The following PAPSS2 variants were observed in gnomAD, a reference collection of about 807,000 sequenced individuals.
PAPSS2 encodes 3'-phosphoadenosine 5'-phosphosulfate synthase 2.
Under a neutral mutation model 66.5 loss-of-function variants are expected in PAPSS2, and 61 were observed. The observed-to-expected ratio is 0.92, with a 90% CI of 0.75 to 1.14. PAPSS2 has a LOEUF of 1.14. Ranked by LOEUF, PAPSS2 falls within the 50% of genes most tolerant of loss-of-function variation. The pLI is 0.00. For synonymous variants in PAPSS2, 289 were observed against 287.5 expected, an observed-to-expected ratio of 1.01 and a Z score of -0.05; for missense variants, 708 against 789.6, an observed-to-expected ratio of 0.90 and a Z score of 1.24.
intron 2 of PAPSS2, among the ~76,000 whole-genome samples, chr10:87,710,439 C>T (rs535854758): frequency 1.3e-5 from 2 of 152,166 alleles, no homozygotes; most frequent in East Asian, 1.9e-4. Context: ...TCAACTCCCC[C>T]CAAGAGACGT....
intron 1 of PAPSS2, among the ~76,000 whole-genome samples, chr10:87,668,947 C>A (rs1411598006): frequency 1.3e-5 from 2 of 152,138 alleles, no homozygotes; most frequent in African/African-American, 4.8e-5. Flanking sequence ...CTCTTTCATT[C>A]AACAAGAAAT....
intron 1 of PAPSS2, among the ~76,000 whole-genome samples, chr10:87,706,108 A>ATATATATATATATGTGTGTGTG: frequency 3.3e-4 from 17 of 52,008 alleles, no homozygotes; most frequent in African/African-American, 1.5e-3. Flanking sequence ...ATATATATAT[A>ATATATATATATATGTGTGTGTG]TGTGTGTGTG....
chr10:87,694,798 G>A (rs979944505), intron 1 of PAPSS2, among the ~76,000 whole-genome samples: 2 of 152,186 alleles, frequency 1.3e-5, no homozygotes, highest in South Asian at 4.1e-4. Context: ...ATTGTCAACT[G>A]GAAAAAGAGG....
At chr10:87,678,744 C>T (rs1852980822) in intron 1 of PAPSS2, among the ~76,000 whole-genome samples, 1 of 151,960 alleles carries the variant, frequency 6.6e-6, no homozygotes, top group Admixed American at 6.6e-5. Flanking sequence ...TACCTCACCT[C>T]ATGTAGAAGG....
chr10:87,692,920 C>T (rs140668134), intron 1 of PAPSS2, among the ~76,000 whole-genome samples: 1 of 152,146 alleles, frequency 6.6e-6, no homozygotes, highest in African/African-American at 2.4e-5. Flanking sequence ...CATAACAACC[C>T]CCAATGTTGA....
chr10:87,666,170 G>A (rs1852814639), intron 1 of PAPSS2, among the ~76,000 whole-genome samples: 1 of 151,968 alleles, frequency 6.6e-6, no homozygotes, highest in African/African-American at 2.4e-5. Flanking sequence ...CACCATGTTG[G>A]CCAGACTGGT....
At chr10:87,665,334 C>A (rs1367112653) in intron 1 of PAPSS2, among the ~76,000 whole-genome samples, 1 of 152,102 alleles carries the variant, frequency 6.6e-6, no homozygotes, top group Non-Finnish European at 1.5e-5. Context: ...GCCTCAGCCT[C>A]CCGAGTAGCT....
In PAPSS2 at chr10:87,745,921, A is replaced by G. The variant is rs1853932648; in HGVS notation, c.1811A>G (p.Lys604Arg). Residue 604 changes from lysine (K) to arginine (R), a missense_variant, in exon 13 of 13, where the codon AAA becomes AGA. Transcript: ENST00000456849. The part of the protein sequence containing the change: ...ENPPDGFMAP[K>R]AWKVLTDYYR... ...CCCCCAGATGGCTTCATGGCCCCCA[A>G]AGCATGGAAGGTCCTGACAGATTAT... The G allele has an allele frequency of 6.2e-6, 10 of 1,613,982 alleles. No individual in the cohort carries two copies. Among genetic ancestry groups the G allele is most frequent in the Non-Finnish European group, 7.6e-6 (9 of 1,179,986 alleles).
chr10:87,685,133 G>T (rs192023788), intron 1 of PAPSS2, among the ~76,000 whole-genome samples: 1 of 152,166 alleles, frequency 6.6e-6, no homozygotes, highest in Admixed American at 6.5e-5. Flanking sequence ...TCCTTTGTAG[G>T]CTCAAGCTGA....
intron 8 of PAPSS2, among the ~76,000 whole-genome samples, chr10:87,723,437 C>CT (rs35150296): frequency 0.34 from 51,118 of 152,016 alleles, 9,253 homozygotes; most frequent in South Asian, 0.49. Flanking sequence ...AGTGAGGAAA[C>CT]TGAGTTTAGA....
chr10:87,699,626 C>T (rs1425423142), intron 1 of PAPSS2, among the ~76,000 whole-genome samples: 1 of 151,656 alleles, frequency 6.6e-6, no homozygotes, highest in Non-Finnish European at 1.5e-5. Flanking sequence ...CTGAGGCGGG[C>T]CAATCACGAG....
In PAPSS2 at chr10:87,743,535, G is replaced by A. The variant is rs1462430684; in HGVS notation, c.1385G>A (p.Trp462Ter). 7 of 1,614,016 alleles carry A rather than the reference G, an allele frequency of 4.3e-6. No individual in the cohort carries two copies. Among genetic ancestry groups the A allele is most frequent in the Non-Finnish European group, 5.9e-6 (7 of 1,180,004 alleles). The change falls in exon 11 of 13, where the codon TGG (tryptophan) becomes TAG (stop). Residue 462 changes from tryptophan (W) to a stop codon, truncating the protein, a stop_gained. Coordinates refer to ENST00000456849, the MANE Select transcript of PAPSS2 (RefSeq NM_001015880.2). LOFTEE classifies it high-confidence loss of function. The part of the protein sequence containing the change: ...WTKDDDVPLD[W>*]RMKQHAAVLE... ...AAGGATGACGATGTGCCTCTAGACT[G>A]GCGGATGAAGCAGCACGCGGCTGTG...
At chr10:87,713,921 C>A in intron 3 of PAPSS2, 123 bp from the exon 4 acceptor site, 2 of 993,692 alleles carry the variant, frequency 2.0e-6, no homozygotes, top group Non-Finnish European at 3.1e-6. Flanking sequence ...CTCTCAAGCA[C>A]TCTGCAAAGC....
chr10:87,726,150 G>A (rs891557794), intron 8 of PAPSS2, among the ~76,000 whole-genome samples: 5 of 152,268 alleles, frequency 3.3e-5, no homozygotes, highest in East Asian at 3.9e-4. Context: ...ATAATTTAAC[G>A]GCTGGGCACG....
In PAPSS2 at chr10:87,746,050, T is replaced by C; in HGVS notation, c.*80T>C. 7.2e-7 allele frequency: 1 copy of C among 1,384,956 alleles called. No homozygotes were observed. Among genetic ancestry groups the C allele is most frequent in the Non-Finnish European group, 1.0e-6 (1 of 978,580 alleles). The allele number at this position is 1,384,956 out of a possible 1,614,324, so 85.8% of individuals were successfully genotyped here. Reference sequence around the variant, plus strand: ...TTATGATTAGATGCTTTGTATTAAATTGCTTCTCAATGATGCATTTTAATC... The same window carrying C: ...TTATGATTAGATGCTTTGTATTAAACTGCTTCTCAATGATGCATTTTAATC... On this transcript the variant is annotated 3_prime_UTR_variant, in exon 13 of 13. Coordinates refer to ENST00000456849, the MANE Select transcript of PAPSS2 (RefSeq NM_001015880.2).
intron 1 of PAPSS2, among the ~76,000 whole-genome samples, chr10:87,686,559 C>T (rs1853091864): frequency 6.6e-6 from 1 of 152,120 alleles, no homozygotes; most frequent in African/African-American, 2.4e-5. Flanking sequence ...TGGACCACCT[C>T]ATAACTAATG....
At chr10:87,724,965 C>T (rs896485287) in intron 8 of PAPSS2, among the ~76,000 whole-genome samples, 6 of 151,610 alleles carry the variant, frequency 4.0e-5, no homozygotes, top group Admixed American at 6.6e-5. Context: ...CTGGGGACCC[C>T]GAGAAGACCT....
At chr10:87,737,700 G>T (rs1853818104) in intron 9 of PAPSS2, among the ~76,000 whole-genome samples, 1 of 152,124 alleles carries the variant, frequency 6.6e-6, no homozygotes, top group Admixed American at 6.5e-5. Context: ...TGGCATGCTT[G>T]TAGTCCCAGC....
At chr10:87,744,893 G>A in intron 11 of PAPSS2, 109 bp from the exon 12 acceptor site, 1 of 899,176 alleles carries the variant, frequency 1.1e-6, no homozygotes, top group Non-Finnish European at 1.8e-6. Context: ...ATTCTTAGTT[G>A]ACTCACATTG....
Sources: gnomAD v4.1 joint callset for allele counts (sites outside exome capture counted in the v4.1 genomes callset) on GRCh38, gnomAD v4.1.1 for gene constraint, MANE v1.5 for transcripts, NCBI Gene and HGNC (gene_info 2026-07-23, HGNC 2026-07-21) for gene names.